RIMS3: variants seen among roughly 807,000 people sequenced by gnomAD.
RIMS3 encodes regulating synaptic membrane exocytosis 3, also known as regulating synaptic membrane exocytosis protein 3.
Under a neutral mutation model 29.2 loss-of-function variants are expected in RIMS3, and 15 were observed. The ratio of observed to expected loss-of-function variants is 0.51; its 90% CI spans 0.34 to 0.79. RIMS3 has a LOEUF of 0.79. Ranked by LOEUF, RIMS3 falls within the 30% of genes least tolerant of loss-of-function variation. The pLI is 0.01. For synonymous variants in RIMS3, 161 were observed against 170.1 expected, an observed-to-expected ratio of 0.95 and a Z score of 0.41; for missense variants, 342 against 421.4, an observed-to-expected ratio of 0.81 and a Z score of 1.65.
In RIMS3 at chr1:40,629,375, G is replaced by A. The variant is rs1646475371; in HGVS notation, c.473-3C>T. The A allele has an allele frequency of 1.2e-6, 2 of 1,613,194 alleles. No homozygotes were observed. Among genetic ancestry groups the A allele is most frequent in the Non-Finnish European group, 1.7e-6 (2 of 1,179,260 alleles). ...CATGATGGCAATGTGCACATCTCCT[G>A]AAAGGAAGAAGAGGGTGAGTCCAGG... On this transcript the variant is annotated splice_polypyrimidine_tract_variant and splice_region_variant and intron_variant, in intron 5 of 7. Transcript: ENST00000372684.
At chr1:40,626,773 T>A in intron 7 of RIMS3, 44 bp from the exon 8 acceptor site, 2 of 1,578,832 alleles carry the variant, frequency 1.3e-6, no homozygotes, top group Non-Finnish European at 1.7e-6. Context: ...CCTCCCTGAC[T>A]CCAGGACTGT....
At chr1:40,634,758 A>C (rs762764183) in intron 4 of RIMS3, among the ~76,000 whole-genome samples, 1 of 152,068 alleles carries the variant, frequency 6.6e-6, no homozygotes, top group Non-Finnish European at 1.5e-5. Context: ...CCTGACCAAC[A>C]TGGAGAAACC....
At chr1:40,652,634 AGAG>A (rs1642196193) in intron 1 of RIMS3, among the ~76,000 whole-genome samples, 1 of 152,186 alleles carries the variant, frequency 6.6e-6, no homozygotes, top group Non-Finnish European at 1.5e-5. Flanking sequence ...GCGCAGTTGG[AGAG>A]GAGGTAGGTA....
At chr1:40,656,105 A>G (rs1025396605) in intron 1 of RIMS3, among the ~76,000 whole-genome samples, 5 of 152,124 alleles carry the variant, frequency 3.3e-5, no homozygotes, top group Non-Finnish European at 7.3e-5. Context: ...GCAGTGGCTC[A>G]CACCCATAGT....
intron 1 of RIMS3, among the ~76,000 whole-genome samples, chr1:40,649,855 C>T (rs781684059): frequency 5.9e-5 from 9 of 152,158 alleles, no homozygotes; most frequent in Admixed American, 3.9e-4. Context: ...ACACAGGAAA[C>T]GGGTAGCCCT....
At chr1:40,674,353 GC>G in the RIMS3 span, among the ~76,000 whole-genome samples, 1 of 152,186 alleles carries the variant, frequency 6.6e-6, no homozygotes, top group Admixed American at 6.5e-5. Context: ...TTAAGGAAAA[GC>G]TGCCCAGACC....
chr1:40,661,454 G>A (rs140476188), intron 1 of RIMS3, among the ~76,000 whole-genome samples: 1 of 152,232 alleles, frequency 6.6e-6, no homozygotes, highest in African/African-American at 2.4e-5. Flanking sequence ...TGAAAATGCA[G>A]GACCCCTTGT....
the RIMS3 span, among the ~76,000 whole-genome samples, chr1:40,687,759 CTG>C: frequency 3.3e-5 from 5 of 152,106 alleles, no homozygotes; most frequent in Admixed American, 6.6e-5. Context: ...CCCTCTTACT[CTG>C]TGTTTCCTCA....
chr1:40,632,038 C>G lies in RIMS3; in HGVS notation c.472+1031G>C, dbSNP rs559785219. Among the ~76,000 whole-genome samples the G allele has an allele frequency of 4.5e-4, 69 of 152,086 alleles. No individual in the cohort carries two copies. In the South Asian group the frequency reaches 0.014, roughly 31 times the overall value. On this transcript the variant is annotated intron_variant, in intron 5 of 7. Transcript: ENST00000372684. The stretch of plus-strand genomic sequence containing the variant: ...TGTTTGCATATAATCTATGCACATC[C>G]TCCCATATGCTTTATTTTATTCAGT...
chr1:40,665,101 G>A (rs1642405117), intron 1 of RIMS3, among the ~76,000 whole-genome samples: 1 of 152,166 alleles, frequency 6.6e-6, no homozygotes, highest in Admixed American at 6.5e-5. Flanking sequence ...GCCAGGCAAT[G>A]CTGTTGAAGA....
intron 3 of RIMS3, among the ~76,000 whole-genome samples, chr1:40,638,426 T>C (rs537222711): frequency 2.0e-5 from 3 of 152,164 alleles, no homozygotes; most frequent in Non-Finnish European, 2.9e-5. Flanking sequence ...AATAACTTTA[T>C]ATAATCTCTC....
intron 5 of RIMS3, 150 bp from the exon 6 acceptor site, chr1:40,629,522 C>T (rs375626889): frequency 1.3e-5 from 9 of 708,868 alleles, no homozygotes; most frequent in African/African-American, 3.5e-5. Context: ...AAACTGCTCT[C>T]GGAAGACCAC....
At position 40,636,362 on chromosome 1, in the gene RIMS3, A is replaced by G. The variant is rs962133516; in HGVS notation, c.218-305T>C. On this transcript the variant is annotated intron_variant, in intron 3 of 7. Transcript: ENST00000372684. This position sits in a 1 kb window ranked among gnomAD's most constrained non-coding sequence, Gnocchi z 4.2. ...CAGCTGGGGCCCTCGCCTCACCCTCATCAGGCTCCCCTGACGCCCACCTTC... is the reference window on the plus strand; with the variant it reads ...CAGCTGGGGCCCTCGCCTCACCCTCGTCAGGCTCCCCTGACGCCCACCTTC... Among the ~76,000 whole-genome samples the G allele has an allele frequency of 5.9e-5, 9 of 152,080 alleles. No homozygotes were observed. The highest frequency in any genetic ancestry group is 2.2e-4 in the African/African-American group (9 of 41,408).
intron 1 of RIMS3, among the ~76,000 whole-genome samples, chr1:40,661,474 C>A (rs1642351063): frequency 6.6e-6 from 1 of 152,172 alleles, no homozygotes; most frequent in Non-Finnish European, 1.5e-5. Flanking sequence ...TTCAAAGTTA[C>A]TAAAAATTTT....
chr1:40,662,194 G>C (rs944124227), intron 1 of RIMS3, among the ~76,000 whole-genome samples: 1 of 152,100 alleles, frequency 6.6e-6, no homozygotes, highest in East Asian at 1.9e-4. Context: ...CTAGGAAATC[G>C]GGCCAGGCTG....
Position 40,635,853 on chromosome 1 carries a change from A to G in RIMS3, c.359+63T>C. The stretch of plus-strand genomic sequence containing the variant: ...ACAGGGAGGCTTTCCCACCCTGCCC[A>G]GTGGCTCTGTGACTGGAGGACCGAG... On this transcript the variant is annotated intron_variant, in intron 4 of 7. Coordinates refer to ENST00000372684, the MANE Select transcript of RIMS3 (RefSeq NM_014747.3). The surrounding 1 kb of genome is among the most constrained non-coding windows in gnomAD (Gnocchi z 4.1). The G allele has an allele frequency of 6.3e-7, 1 of 1,590,236 alleles. No homozygotes were observed. The highest frequency in any genetic ancestry group is 8.6e-7 in the Non-Finnish European group (1 of 1,165,844).
Position 40,635,473 on chromosome 1 carries a change from G to A in RIMS3, c.359+443C>T, listed in dbSNP as rs145950530. Among the ~76,000 whole-genome samples, 337 of 152,262 alleles carry A rather than the reference G, an allele frequency of 2.2e-3. No individual in the cohort carries two copies. Among genetic ancestry groups the A allele is most frequent in the Middle Eastern group, 6.8e-3 (2 of 294 alleles). ...TCCTGTCTATGAGTCACCATCCATGGTTTGAAAAACACTGATCTAGTCCAA... is the reference window on the plus strand; with the variant it reads ...TCCTGTCTATGAGTCACCATCCATGATTTGAAAAACACTGATCTAGTCCAA... On this transcript the variant is annotated intron_variant, in intron 4 of 7. Coordinates refer to ENST00000372684, the MANE Select transcript of RIMS3 (RefSeq NM_014747.3). The surrounding 1 kb of genome is among the most constrained non-coding windows in gnomAD (Gnocchi z 4.1).
At chr1:40,691,406 G>A in the RIMS3 span, 4 of 223,972 alleles carry the variant, frequency 1.8e-5, no homozygotes, top group South Asian at 1.6e-4. Context: ...AAGGGCACGC[G>A]CACACACCTA....
chr1:40,642,924 C>T (rs1034530896), intron 2 of RIMS3, among the ~76,000 whole-genome samples: 5 of 148,426 alleles, frequency 3.4e-5, no homozygotes, highest in Admixed American at 6.8e-5. Flanking sequence ...CCATTGCACT[C>T]CAGCCTGGGT....
Sources: gnomAD v4.1 joint callset for allele counts (sites outside exome capture counted in the v4.1 genomes callset) on GRCh38, gnomAD v4.1.1 for gene constraint, Gnocchi (gnomAD v3.1) non-coding constraint, MANE v1.5 for transcripts, NCBI Gene and HGNC (gene_info 2026-07-23, HGNC 2026-07-21) for gene names.